Variants in GNAZ observed in about 807,000 individuals in gnomAD.
GNAZ encodes the protein G protein subunit alpha z.
GNAZ carries 3 observed loss-of-function variants against 25.4 expected under a neutral mutation model. The observed-to-expected ratio is 0.12, with a 90% CI of 0.05 to 0.30. GNAZ has a LOEUF of 0.30. GNAZ is among the 10% of genes least tolerant of loss of function. GNAZ has a pLI of 1.00. For synonymous variants in GNAZ, 211 were observed against 205.7 expected, an observed-to-expected ratio of 1.03 and a Z score of -0.22; for missense variants, 241 against 501.8, an observed-to-expected ratio of 0.48 and a Z score of 4.97.
intron 2 of GNAZ, among the ~76,000 whole-genome samples, chr22:23,107,660 C>G (rs2069521487): frequency 6.6e-6 from 1 of 152,118 alleles, no homozygotes; most frequent in Non-Finnish European, 1.5e-5. Flanking sequence ...CAAGAAGCAC[C>G]GGAACCCACC....
At chr22:23,101,094 C>A (rs2069289470) in intron 2 of GNAZ, among the ~76,000 whole-genome samples, 1 of 152,168 alleles carries the variant, frequency 6.6e-6, no homozygotes, top group Non-Finnish European at 1.5e-5. Context: ...GAGGGAATTA[C>A]AAATGGGCAA....
intron 2 of GNAZ, among the ~76,000 whole-genome samples, chr22:23,110,705 G>T (rs1569181480): frequency 6.6e-6 from 1 of 152,264 alleles, no homozygotes; most frequent in East Asian, 1.9e-4. Flanking sequence ...GAGGGTGAGG[G>T]TGTCCACCCT....
At chr22:23,100,312 T>A (rs2069260381) in intron 2 of GNAZ, among the ~76,000 whole-genome samples, 1 of 152,234 alleles carries the variant, frequency 6.6e-6, no homozygotes, top group South Asian at 2.1e-4. Context: ...GTGTCCCCAT[T>A]GTGCTTTCAT....
At chr22:23,082,002 G>A (rs545676076) in intron 1 of GNAZ, among the ~76,000 whole-genome samples, 89 of 150,608 alleles carry the variant, frequency 5.9e-4, no homozygotes, top group Admixed American at 1.1e-3. Flanking sequence ...GCGGGCACCT[G>A]TAGTCCTAGC....
chr22:23,122,928 G>A (rs1646079259), intron 2 of GNAZ, among the ~76,000 whole-genome samples, 159 bp from the exon 3 acceptor site: 1 of 152,226 alleles, frequency 6.6e-6, no homozygotes, highest in Non-Finnish European at 1.5e-5. Context: ...GGTGGGTGAA[G>A]ACATTTAACC....
intron 2 of GNAZ, among the ~76,000 whole-genome samples, chr22:23,108,439 G>A (rs2069548019): frequency 6.6e-6 from 1 of 152,274 alleles, no homozygotes; most frequent in African/African-American, 2.4e-5. Flanking sequence ...ATGCAGGGTA[G>A]CACAGCAAAG....
intron 1 of GNAZ, among the ~76,000 whole-genome samples, chr22:23,076,845 G>A (rs912889420): frequency 1.3e-5 from 2 of 152,252 alleles, no homozygotes; most frequent in African/African-American, 4.8e-5. Context: ...CAGGCCAGTA[G>A]AGGAGCTCAG....
chr22:23,115,729 G>T (rs969663531), intron 2 of GNAZ, among the ~76,000 whole-genome samples: 13 of 152,202 alleles, frequency 8.5e-5, no homozygotes, highest in African/African-American at 3.1e-4. Flanking sequence ...GTTGGGGGCC[G>T]GGGCTCATGT....
chr22:23,088,662 A>G (rs893656635), intron 1 of GNAZ, among the ~76,000 whole-genome samples: 5 of 152,094 alleles, frequency 3.3e-5, no homozygotes, highest in Non-Finnish European at 4.4e-5. Flanking sequence ...TTGGTCTGAA[A>G]TGGGTTCCAT....
intron 2 of GNAZ, among the ~76,000 whole-genome samples, chr22:23,109,248 G>A (rs1227063439): frequency 6.6e-6 from 1 of 152,212 alleles, no homozygotes; most frequent in East Asian, 1.9e-4. Context: ...GCCCAAGTGA[G>A]CCTGGCAGCA....
chr22:23,114,759 T>C (rs1032936261), intron 2 of GNAZ, among the ~76,000 whole-genome samples: 1 of 152,208 alleles, frequency 6.6e-6, no homozygotes, highest in African/African-American at 2.4e-5. Flanking sequence ...AGCAGGAGGT[T>C]GGGCCTGCAT....
chr22:23,081,074 G>A (rs1432748805), intron 1 of GNAZ, among the ~76,000 whole-genome samples: 1 of 152,222 alleles, frequency 6.6e-6, no homozygotes, highest in Non-Finnish European at 1.5e-5. Flanking sequence ...GGCTGTGACT[G>A]TATAGAGGGC....
chr22:23,093,718 C>A (rs528707331), intron 1 of GNAZ, among the ~76,000 whole-genome samples: 2 of 152,268 alleles, frequency 1.3e-5, no homozygotes. Context: ...CTGGGAGAGG[C>A]AAGCAAGGCA....
At position 23,084,468 on chromosome 22, in the gene GNAZ, G is replaced by T. The variant is rs148034162; in HGVS notation, c.-449-10779G>T. Among the ~76,000 whole-genome samples the T allele has an allele frequency of 2.8e-3, 433 of 152,270 alleles. 2 individuals are homozygous for T. The highest frequency in any genetic ancestry group is 9.2e-3 in the African/African-American group (382 of 41,552). The stretch of plus-strand genomic sequence containing the variant: ...TCAACACATTTTCAACTTAGGATGG[G>T]TTTATCAGGACATAACCCCATCCTA... On this transcript the variant is annotated intron_variant, in intron 1 of 2. Coordinates refer to ENST00000615612, the MANE Select transcript of GNAZ (RefSeq NM_002073.4).
At chr22:23,089,241 G>A (rs935550449) in intron 1 of GNAZ, among the ~76,000 whole-genome samples, 2 of 152,166 alleles carry the variant, frequency 1.3e-5, no homozygotes, top group African/African-American at 4.8e-5. Context: ...TGAGACCTTC[G>A]GTGACCTTGG....
Position 23,096,184 on chromosome 22 carries a change from C to T in GNAZ, c.489C>T (p.Ile163=), listed in dbSNP as rs759782565. Residue 163 remains isoleucine (I), a synonymous_variant, in exon 2 of 3, where the codon ATC becomes ATT. Transcript: ENST00000615612. ...AAYYLNDLER[I]AAADYIPTVE... is the part of the protein sequence containing the mutation. ...ACTACCTGAACGACCTGGAGCGCAT[C>T]GCCGCAGCTGACTATATCCCCACTG... 22 of 1,613,248 alleles carry T rather than the reference C, an allele frequency of 1.4e-5. 1 individual carries two copies. The highest frequency in any genetic ancestry group is 1.1e-4 in the East Asian group (5 of 44,888).
intron 2 of GNAZ, among the ~76,000 whole-genome samples, chr22:23,117,529 A>G (rs943905905): frequency 6.6e-6 from 1 of 152,224 alleles, no homozygotes; most frequent in Non-Finnish European, 1.5e-5. Flanking sequence ...ATGCTGGGAC[A>G]GAGGGAAGCA....
chr22:23,072,971 C>T (rs921454990), intron 1 of GNAZ, among the ~76,000 whole-genome samples: 3 of 152,202 alleles, frequency 2.0e-5, no homozygotes, highest in Non-Finnish European at 4.4e-5. Flanking sequence ...CCAGGGCCCC[C>T]GCAGAGAGGC....
intron 2 of GNAZ, among the ~76,000 whole-genome samples, chr22:23,107,567 G>A (rs2069518206): frequency 6.6e-6 from 1 of 152,172 alleles, no homozygotes; most frequent in Non-Finnish European, 1.5e-5. Context: ...TGAACTGGGG[G>A]CCTCTGTCTG....
Sources: allele counts gnomAD v4.1 joint callset (sites outside exome capture counted in the v4.1 genomes callset), GRCh38; gene constraint gnomAD v4.1.1; transcripts MANE v1.5; gene names NCBI Gene and HGNC (gene_info 2026-07-23, HGNC 2026-07-21).